The following MYCBPAP variants were observed in gnomAD, a reference collection of about 807,000 sequenced individuals.
MYCBPAP encodes MYCBP-associated protein.
In MYCBPAP, 60 loss-of-function variants were observed where a neutral mutation model predicts 106.1. That is an observed-to-expected ratio of 0.57 (90% CI 0.46 to 0.70). The LOEUF (loss-of-function observed/expected upper bound fraction) is 0.70. Among genes scored for constraint, MYCBPAP ranks in the 30% least tolerant of loss-of-function variants. The pLI is 0.00. For synonymous variants in MYCBPAP, 407 were observed against 440.6 expected, an observed-to-expected ratio of 0.92 and a Z score of 0.95; for missense variants, 1,064 against 1,169.3, an observed-to-expected ratio of 0.91 and a Z score of 1.31.
chr17:50,508,382 G>C (rs185849780), upstream of MYCBPAP: 1 of 577,462 alleles, frequency 1.7e-6, no homozygotes, highest in East Asian at 3.5e-5. Context: ...GCCCCGCCCG[G>C]CTGGTGACGT....
At chr17:50,511,928 C>T (rs1345960133) in intron 1 of MYCBPAP, among the ~76,000 whole-genome samples, 5 of 152,126 alleles carry the variant, frequency 3.3e-5, no homozygotes, top group African/African-American at 9.7e-5. Context: ...CTGAAATGCA[C>T]CTGTCATCAA....
Position 50,522,709 on chromosome 17 carries a change from A to AAAAAAAAAAAT in MYCBPAP, c.1258-229_1258-228insAAAAAAAAATA. ...AACTCTGTCTCAAAAAAAAAAAAAA[A>AAAAAAAAAAAT]ATATATATATATATATTTGTTTTAT... is the stretch of plus-strand genomic sequence containing the variant. On this transcript the variant is annotated intron_variant, in intron 10 of 18. Transcript: ENST00000323776. 2.4e-4 allele frequency: 12 copies of AAAAAAAAAAAT among 50,040 alleles called. 1 individual carries two copies. Among genetic ancestry groups the AAAAAAAAAAAT allele is most frequent in the African/African-American group, 1.3e-3 (11 of 8,370 alleles). The allele number at this position is 50,040 out of a possible 1,614,324, so 3.1% of individuals were successfully genotyped here.
chr17:50,514,990 C>G (rs189799251), intron 1 of MYCBPAP: 6 of 373,198 alleles, frequency 1.6e-5, no homozygotes, highest in Non-Finnish European at 3.3e-5. Flanking sequence ...CACGATATGG[C>G]GGCTGCTGCT....
chr17:50,516,539 A>C, intron 1 of MYCBPAP, 31 bp from the exon 2 acceptor site: 9 of 1,609,596 alleles, frequency 5.6e-6, no homozygotes, highest in Non-Finnish European at 7.6e-6. Context: ...GGAGCTCTTT[A>C]AGGACTTAAT....
rs142275348 is a variant in MYCBPAP at position 50,523,733 on chromosome 17, C to T, written c.1584C>T (p.His528=). The change falls in exon 12 of 19, where the codon CAC becomes CAT. Residue 528 remains histidine, a synonymous_variant. Coordinates refer to ENST00000323776, the MANE Select transcript of MYCBPAP (RefSeq NM_032133.6). ...GTGCTATACTGCAGGTCAATCTCCA[C>T]GCGGTCTCCCTGACCCAGGACGTTT... ...LGGAILQVNL[H]AVSLTQDVFE... The T allele has an allele frequency of 1.3e-4, 202 of 1,614,192 alleles. 1 individual carries two copies. In the African/African-American group the frequency reaches 1.7e-3, roughly 14 times the overall value.
chr17:50,529,268 C>T, intron 18 of MYCBPAP, 80 bp downstream of exon 18: 1 of 1,338,078 alleles, frequency 7.5e-7, no homozygotes, highest in South Asian at 1.4e-5. Flanking sequence ...ACAATAAGTG[C>T]CCACTCCATC....
rs780046990 is a variant in MYCBPAP, at chr17:50,525,076, C to T, written c.1782+53C>T. The T allele has an allele frequency of 2.2e-5, 34 of 1,566,168 alleles. No individual in the cohort carries two copies. The South Asian group carries it at 3.3e-4, about 15-fold the overall frequency. On this transcript the variant is annotated intron_variant, in intron 13 of 18. Coordinates refer to ENST00000323776, the MANE Select transcript of MYCBPAP (RefSeq NM_032133.6). ...CTCATGTGTGCCCTGCGTCAAGGGTCCCCAACCCGCAGGCCGCACAGCGGC... is the reference window on the plus strand; with the variant it reads ...CTCATGTGTGCCCTGCGTCAAGGGTTCCCAACCCGCAGGCCGCACAGCGGC...
At chr17:50,518,860 A>G (rs1240758108) in intron 5 of MYCBPAP, 114 bp from the exon 6 acceptor site, 9 of 1,431,524 alleles carry the variant, frequency 6.3e-6, no homozygotes, top group African/African-American at 1.4e-5. Context: ...CTCACTCTGA[A>G]GCTTCAGTGG....
intron 1 of MYCBPAP, among the ~76,000 whole-genome samples, chr17:50,514,301 C>T (rs1473456296): frequency 6.6e-6 from 1 of 152,182 alleles, no homozygotes; most frequent in African/African-American, 2.4e-5. Context: ...AAAACACCTG[C>T]CTTTATGTTT....
In MYCBPAP at chr17:50,529,161, G is replaced by GAAAT. The variant is rs1407477947; in HGVS notation, c.2699_2702dup (p.Tyr901Ter). On this transcript the variant is annotated frameshift_variant, in exon 18 of 19. Transcript: ENST00000323776. LOFTEE classifies it low-confidence loss of function (END_TRUNC). ...AACCCATAGACCCCCTGGTCATGGG[G>GAAAT]AAATACACCCAGAGCCTGCACAGTG... is the stretch of plus-strand genomic sequence containing the variant. The GAAAT allele has an allele frequency of 1.2e-6, 2 of 1,613,056 alleles. No homozygotes were observed. Among genetic ancestry groups the GAAAT allele is most frequent in the Non-Finnish European group, 1.7e-6 (2 of 1,180,016 alleles).
intron 1 of MYCBPAP, among the ~76,000 whole-genome samples, chr17:50,510,582 G>A (rs1223189311): frequency 6.9e-6 from 1 of 144,374 alleles, no homozygotes; most frequent in African/African-American, 2.5e-5. Context: ...ATGGAGTGCC[G>A]TGGTACAGTC....
At chr17:50,521,272 C>T (rs2034250511) in intron 8 of MYCBPAP, 44 bp from the exon 9 acceptor site, 1 of 1,593,378 alleles carries the variant, frequency 6.3e-7, no homozygotes, top group South Asian at 1.1e-5. Context: ...TGGGGCGATG[C>T]CTGTCTTCAG....
intron 12 of MYCBPAP, among the ~76,000 whole-genome samples, chr17:50,524,441 T>TG (rs1172992577): frequency 6.6e-6 from 1 of 152,184 alleles, no homozygotes; most frequent in Non-Finnish European, 1.5e-5. Context: ...ACTCATTGAC[T>TG]GTACAACCCA....
At chr17:50,522,280 C>G in intron 10 of MYCBPAP, 199 bp downstream of exon 10, 2 of 503,164 alleles carry the variant, frequency 4.0e-6, no homozygotes, top group Admixed American at 6.4e-5. Context: ...TCATAAGCCA[C>G]TTGGGGCTTA....
chr17:50,527,503 G>A, intron 15 of MYCBPAP, 95 bp downstream of exon 15: 1 of 1,518,826 alleles, frequency 6.6e-7, no homozygotes, highest in Non-Finnish European at 8.9e-7. Flanking sequence ...AGGGGTCTGA[G>A]CTTCCGTTGA....
chr17:50,514,915 C>T (rs528532661), intron 1 of MYCBPAP: 68 of 454,298 alleles, frequency 1.5e-4, no homozygotes, highest in South Asian at 1.0e-3. Context: ...TCTTGCAACT[C>T]TTAATCCATT....
At chr17:50,515,982 TTTTTG>T (rs563499246) in intron 1 of MYCBPAP, 2 of 153,052 alleles carry the variant, frequency 1.3e-5, no homozygotes, top group African/African-American at 2.4e-5. Flanking sequence ...ATGAAACATC[TTTTTG>T]TTTTGTTTTG....
intron 9 of MYCBPAP, 130 bp from the exon 10 acceptor site, chr17:50,521,843 A>G: frequency 1.4e-6 from 1 of 739,540 alleles, no homozygotes; most frequent in South Asian, 1.6e-5. Flanking sequence ...GTGGGAGTGG[A>G]GTTGATCATA....
At chr17:50,510,788 T>C (rs748626627) in intron 1 of MYCBPAP, among the ~76,000 whole-genome samples, 6 of 149,330 alleles carry the variant, frequency 4.0e-5, no homozygotes, top group Non-Finnish European at 8.9e-5. Context: ...CCCAAAGTGC[T>C]GGGATTACAG....
Sources: gnomAD v4.1 joint callset for allele counts (sites outside exome capture counted in the v4.1 genomes callset) on GRCh38, gnomAD v4.1.1 for gene constraint, MANE v1.5 for transcripts, NCBI Gene and HGNC (gene_info 2026-07-23, HGNC 2026-07-21) for gene names.